The following ARFIP1 variants were observed in gnomAD, a reference collection of about 807,000 sequenced individuals.
The protein encoded by ARFIP1 is ARF interacting protein 1.
ARFIP1 carries 24 observed loss-of-function variants against 42.5 expected under a neutral mutation model. The observed-to-expected ratio is 0.57, with a 90% CI of 0.41 to 0.80. ARFIP1 has a LOEUF of 0.80. Among genes scored for constraint, ARFIP1 ranks in the 30% least tolerant of loss-of-function variants. The pLI is 0.00. For missense variants in ARFIP1, 354 were observed against 434.0 expected (o/e 0.82, Z 1.64); for synonymous variants, 141 against 153.7 (o/e 0.92, Z 0.61).
At chr4:152,877,267 G>T (rs933829618) in intron 5 of ARFIP1, among the ~76,000 whole-genome samples, 2 of 152,164 alleles carry the variant, frequency 1.3e-5, no homozygotes, top group Non-Finnish European at 2.9e-5. Flanking sequence ...GCACAGGGGT[G>T]GAGCTGCCCA....
At chr4:152,873,110 A>G (rs916786425) in intron 5 of ARFIP1, among the ~76,000 whole-genome samples, 4 of 152,184 alleles carry the variant, frequency 2.6e-5, no homozygotes, top group Non-Finnish European at 4.4e-5. Context: ...TATTTAACCC[A>G]TATTGTATTT....
intron 2 of ARFIP1, among the ~76,000 whole-genome samples, chr4:152,834,824 G>C (rs1246690076): frequency 6.6e-6 from 1 of 152,202 alleles, no homozygotes; most frequent in Non-Finnish European, 1.5e-5. Flanking sequence ...GACTCTGTGT[G>C]GGGGCTGCAG....
At chr4:152,834,627 G>A (rs1475001037) in intron 2 of ARFIP1, among the ~76,000 whole-genome samples, 2 of 152,212 alleles carry the variant, frequency 1.3e-5, no homozygotes, top group East Asian at 3.9e-4. Flanking sequence ...GCACACTGGT[G>A]CACGGGATGG....
chr4:152,843,481 C>G (rs1458943091), intron 2 of ARFIP1, among the ~76,000 whole-genome samples: 1 of 151,858 alleles, frequency 6.6e-6, no homozygotes, highest in Non-Finnish European at 1.5e-5. Context: ...CTAGAACTCC[C>G]AGGAGTATAC....
intron 3 of ARFIP1, among the ~76,000 whole-genome samples, chr4:152,866,297 T>C (rs1437804079): frequency 6.6e-6 from 1 of 152,258 alleles, no homozygotes; most frequent in African/African-American, 2.4e-5. Context: ...AACCATCCAA[T>C]TTCTCAATCT....
chr4:152,829,104 G>A (rs923524790), intron 1 of ARFIP1, among the ~76,000 whole-genome samples: 3 of 152,152 alleles, frequency 2.0e-5, no homozygotes, highest in Admixed American at 6.5e-5. Context: ...ATACCACATT[G>A]TCTTGATTAT....
intron 1 of ARFIP1, among the ~76,000 whole-genome samples, chr4:152,806,225 G>T (rs1321212958): frequency 6.6e-6 from 1 of 152,240 alleles, no homozygotes; most frequent in African/African-American, 2.4e-5. Context: ...AAATAGGTTT[G>T]TAAATGACAC....
chr4:152,833,344 G>T (rs1731398425), intron 2 of ARFIP1, among the ~76,000 whole-genome samples: 1 of 151,880 alleles, frequency 6.6e-6, no homozygotes, highest in South Asian at 2.1e-4. Flanking sequence ...TGAGATATCA[G>T]TTCATACCTA....
At chr4:152,854,977 A>C (rs1578940807) in intron 2 of ARFIP1, among the ~76,000 whole-genome samples, 1 of 152,204 alleles carries the variant, frequency 6.6e-6, no homozygotes, top group Non-Finnish European at 1.5e-5. Flanking sequence ...GCAGTGGGCC[A>C]GGCAGGTGGG....
chr4:152,892,339 T>G (rs1736926727), intron 8 of ARFIP1, among the ~76,000 whole-genome samples: 1 of 152,208 alleles, frequency 6.6e-6, no homozygotes, highest in Non-Finnish European at 1.5e-5. Context: ...GTCTCTCTTT[T>G]TGGCTTTCTT....
In ARFIP1 at chr4:152,831,461, T is replaced by G. The variant is rs73865253; in HGVS notation, c.93+1735T>G. Among the ~76,000 whole-genome samples, 653 of 152,310 alleles carry G rather than the reference T, an allele frequency of 4.3e-3. 4 individuals carry two copies. Among genetic ancestry groups the G allele is most frequent in the African/African-American group, 0.015 (611 of 41,566 alleles). On this transcript the variant is annotated intron_variant, in intron 2 of 8. Coordinates refer to ENST00000353617, the MANE Select transcript of ARFIP1 (RefSeq NM_001025595.3). ...TATTTTTTTTCTTCTTCTTCTTTATTGAGGTATAGCTTCTACACAGCAGAA... is the reference window on the plus strand; with the variant it reads ...TATTTTTTTTCTTCTTCTTCTTTATGGAGGTATAGCTTCTACACAGCAGAA...
intron 1 of ARFIP1, among the ~76,000 whole-genome samples, chr4:152,804,502 T>TA (rs1728852612): frequency 9.9e-6 from 1 of 101,380 alleles, no homozygotes; most frequent in East Asian, 2.8e-4. Flanking sequence ...ATATATATAA[T>TA]ATATATATAT....
rs572996864 is a variant in ARFIP1, at chr4:152,820,233, A to G, written c.-9-9392A>G. On this transcript the variant is annotated intron_variant, in intron 1 of 8. Transcript: ENST00000353617. ...CACCATTGCAGTATTGCATTTACCC[A>G]CCTGTCTTTGCTGCGGCCAGTTTTT... Among the ~76,000 whole-genome samples the G allele has an allele frequency of 1.4e-4, 22 of 151,850 alleles. 1 individual carries two copies. The highest frequency in any genetic ancestry group is 5.1e-4 in the African/African-American group (21 of 41,364).
At chr4:152,855,825 G>A (rs943710777) in intron 2 of ARFIP1, among the ~76,000 whole-genome samples, 1 of 152,178 alleles carries the variant, frequency 6.6e-6, no homozygotes, top group African/African-American at 2.4e-5. Flanking sequence ...ACTTCTTAGG[G>A]TCTGTCATTT....
intron 2 of ARFIP1, among the ~76,000 whole-genome samples, chr4:152,833,502 C>T (rs1461549934): frequency 6.6e-6 from 1 of 152,146 alleles, no homozygotes; most frequent in Non-Finnish European, 1.5e-5. Context: ...TCTAGCAGTT[C>T]CATTTCTGGG....
At chr4:152,824,081 G>A (rs948448502) in intron 1 of ARFIP1, among the ~76,000 whole-genome samples, 3 of 152,106 alleles carry the variant, frequency 2.0e-5, no homozygotes, top group African/African-American at 7.2e-5. Flanking sequence ...GGGAGGCCAA[G>A]GCGGGTGGAT....
At chr4:152,855,122 G>A (rs969376688) in intron 2 of ARFIP1, among the ~76,000 whole-genome samples, 2 of 152,182 alleles carry the variant, frequency 1.3e-5, no homozygotes, top group African/African-American at 2.4e-5. Context: ...CAGTCTCCAG[G>A]TCCTCAGGGA....
chr4:152,881,297 GA>G, intron 6 of ARFIP1, 113 bp downstream of exon 6: 2 of 825,098 alleles, frequency 2.4e-6, no homozygotes, highest in Non-Finnish European at 3.8e-6. Context: ...GGAATTCTGA[GA>G]TTCTCTTTTA....
intron 8 of ARFIP1, among the ~76,000 whole-genome samples, chr4:152,895,641 G>A (rs898025678): frequency 1.4e-5 from 2 of 139,524 alleles, no homozygotes; most frequent in African/African-American, 5.4e-5. Flanking sequence ...GCTCACTGCA[G>A]CCTCTACCTC....
Sources: gnomAD v4.1 joint callset for allele counts (sites outside exome capture counted in the v4.1 genomes callset) on GRCh38, gnomAD v4.1.1 for gene constraint, MANE v1.5 for transcripts, NCBI Gene and HGNC (gene_info 2026-07-23, HGNC 2026-07-21) for gene names.